Variants in CDH19 observed in about 807,000 individuals in gnomAD.
CDH19 encodes the protein cadherin 19.
In CDH19, 67 loss-of-function variants were observed where a neutral mutation model predicts 64.2. The observed-to-expected ratio is 1.04, with a 90% CI of 0.86 to 1.28. The LOEUF (loss-of-function observed/expected upper bound fraction) is 1.28, where lower values mean the gene tolerates loss of function less well. Among genes scored for constraint, CDH19 ranks in the 50% most tolerant of loss-of-function variants. The pLI is 0.00. For missense variants in CDH19, 1,030 were observed against 929.0 expected (o/e 1.11, Z -1.41); for synonymous variants, 346 against 319.3 (o/e 1.08, Z -0.89).
chr18:66,528,249 A>G (rs1986300568), intron 9 of CDH19, among the ~76,000 whole-genome samples: 1 of 152,118 alleles, frequency 6.6e-6, no homozygotes, highest in Non-Finnish European at 1.5e-5. Context: ...CCAATTTCTA[A>G]ATATATAATC....
At chr18:66,549,014 G>A (rs1468180260) in intron 5 of CDH19, among the ~76,000 whole-genome samples, 1 of 152,006 alleles carries the variant, frequency 6.6e-6, no homozygotes, top group Non-Finnish European at 1.5e-5. Context: ...GAGGGTATAG[G>A]TATTGAGTAT....
In CDH19 at chr18:66,544,913, C is replaced by A. The variant is rs980786860; in HGVS notation, c.776-10G>T. The A allele has an allele frequency of 6.4e-7, 1 of 1,552,048 alleles. No individual in the cohort carries two copies. Among genetic ancestry groups the A allele is most frequent in the African/African-American group, 1.4e-5 (1 of 71,960 alleles). ...GTCAAGCGGTATAAACCTTTAAAAA[C>A]AAAATTGGAGGTATTTTGGATAAAT... On this transcript the variant is annotated splice_polypyrimidine_tract_variant and intron_variant, in intron 5 of 11. Transcript: ENST00000262150.
Position 66,510,921 on chromosome 18 carries a change from T to G in CDH19, c.1576+647A>C, listed in dbSNP as rs186031270. 6.4e-4 allele frequency among the ~76,000 whole-genome samples: 97 copies of G among 151,738 alleles called. 1 individual carries two copies. The highest frequency in any genetic ancestry group is 2.1e-3 in the Admixed American group (32 of 15,162). On this transcript the variant is annotated intron_variant, in intron 10 of 11. Coordinates refer to ENST00000262150, the MANE Select transcript of CDH19 (RefSeq NM_021153.4). Reference sequence around the variant, plus strand: ...AACTGTGTTTCATAACTTTGAGGTATGAAAAAATTAAAACAGAAGTTCTTA... The same window carrying G: ...AACTGTGTTTCATAACTTTGAGGTAGGAAAAAATTAAAACAGAAGTTCTTA...
intron 8 of CDH19, 66 bp from the exon 9 acceptor site, chr18:66,530,032 TA>T (rs1381766622): frequency 1.3e-6 from 1 of 774,652 alleles, no homozygotes; most frequent in Admixed American, 3.1e-5. Flanking sequence ...GAGACATCAT[TA>T]AAATTACATT....
At chr18:66,535,842 C>T (rs984463324) in intron 7 of CDH19, among the ~76,000 whole-genome samples, 15 of 145,922 alleles carry the variant, frequency 1.0e-4, no homozygotes, top group Non-Finnish European at 1.7e-4. Context: ...ATATTACATA[C>T]AATATATGTA....
intron 1 of CDH19, among the ~76,000 whole-genome samples, chr18:66,601,585 A>C (rs1314752899): frequency 6.6e-6 from 1 of 152,022 alleles, no homozygotes; most frequent in Non-Finnish European, 1.5e-5. Context: ...CTTTAATCTT[A>C]AGACATACTT....
intron 1 of CDH19, among the ~76,000 whole-genome samples, chr18:66,600,353 G>A (rs1276421742): frequency 6.6e-6 from 1 of 151,648 alleles, no homozygotes; most frequent in Non-Finnish European, 1.5e-5. Flanking sequence ...TAATATTTAA[G>A]GGTCAGTTAA....
At chr18:66,534,309 T>A (rs143242524) in intron 8 of CDH19, among the ~76,000 whole-genome samples, 5 of 152,074 alleles carry the variant, frequency 3.3e-5, no homozygotes, top group Admixed American at 6.6e-5. Context: ...ATAGAACTGT[T>A]CATTGTATCG....
chr18:66,553,996 C>T (rs1263687205), intron 4 of CDH19, among the ~76,000 whole-genome samples: 1 of 88,766 alleles, frequency 1.1e-5, no homozygotes, highest in Non-Finnish European at 2.0e-5. Context: ...GGTTATGCAG[C>T]TGTATTTCAT....
At chr18:66,525,876 A>G (rs1382352601) in intron 9 of CDH19, among the ~76,000 whole-genome samples, 1 of 152,050 alleles carries the variant, frequency 6.6e-6, no homozygotes, top group African/African-American at 2.4e-5. Flanking sequence ...GCACGTCCCA[A>G]AATAATTATT....
intron 1 of CDH19, among the ~76,000 whole-genome samples, chr18:66,584,448 A>G (rs186005006): frequency 6.6e-6 from 1 of 152,070 alleles, no homozygotes; most frequent in Non-Finnish European, 1.5e-5. Flanking sequence ...GAAAGCAGTA[A>G]GGCAATTTCT....
At chr18:66,571,638 G>C (rs1353733019) in intron 2 of CDH19, among the ~76,000 whole-genome samples, 1 of 151,556 alleles carries the variant, frequency 6.6e-6, no homozygotes, top group African/African-American at 2.4e-5. Flanking sequence ...AAATGAACGA[G>C]GGGTAAATCA....
At chr18:66,564,397 G>A (rs1987830306) in intron 3 of CDH19, among the ~76,000 whole-genome samples, 1 of 151,712 alleles carries the variant, frequency 6.6e-6, no homozygotes, top group South Asian at 2.1e-4. Context: ...ATCTGGTTTT[G>A]AAAATAAAAG....
chr18:66,532,597 T>G (rs920324700), intron 8 of CDH19: 1 of 370,302 alleles, frequency 2.7e-6, no homozygotes, highest in African/African-American at 2.2e-5. Context: ...CGTATGGAAA[T>G]CTTTCAAAAG....
chr18:66,574,323 A>G (rs1321272552), intron 1 of CDH19, among the ~76,000 whole-genome samples: 3 of 151,752 alleles, frequency 2.0e-5, no homozygotes, highest in Non-Finnish European at 2.9e-5. Flanking sequence ...ATCCTATTGC[A>G]TGACATCTTT....
intron 1 of CDH19, among the ~76,000 whole-genome samples, chr18:66,593,109 T>C (rs1352852766): frequency 6.6e-6 from 1 of 152,026 alleles, no homozygotes. Context: ...TGGGGTGAAA[T>C]AATATCTCAT....
At chr18:66,527,071 A>G (rs368511883) in intron 9 of CDH19, among the ~76,000 whole-genome samples, 4 of 134,818 alleles carry the variant, frequency 3.0e-5, no homozygotes, top group Admixed American at 7.6e-5. Context: ...GTGTGTGTGT[A>G]TGTATGTATA....
At chr18:66,537,961 G>T (rs1410070517) in intron 7 of CDH19, among the ~76,000 whole-genome samples, 4 of 152,010 alleles carry the variant, frequency 2.6e-5, no homozygotes, top group African/African-American at 7.2e-5. Context: ...TTTCAATCCA[G>T]TGTGACACCT....
chr18:66,560,788 T>C (rs950726378), intron 3 of CDH19, among the ~76,000 whole-genome samples: 1 of 152,084 alleles, frequency 6.6e-6, no homozygotes, highest in African/African-American at 2.4e-5. Context: ...AGGTCATATA[T>C]ACCTAACCTC....
Sources: allele counts gnomAD v4.1 joint callset (sites outside exome capture counted in the v4.1 genomes callset), GRCh38; gene constraint gnomAD v4.1.1; transcripts MANE v1.5; gene names NCBI Gene and HGNC (gene_info 2026-07-23, HGNC 2026-07-21).